Variants in ZNF804B observed in about 807,000 individuals in gnomAD.
The protein encoded by ZNF804B is zinc finger 804B.
A neutral mutation model predicts 101.4 loss-of-function variants in ZNF804B; 80 were observed. The observed-to-expected ratio is 0.79, with a 90% CI of 0.66 to 0.95. ZNF804B has a LOEUF of 0.95. ZNF804B is among the 40% of genes least tolerant of loss of function. ZNF804B has a pLI of 0.00. For missense variants in ZNF804B, 1,673 were observed against 1,561.9 expected, an observed-to-expected ratio of 1.07 and a Z score of -1.20; for synonymous variants, 622 against 558.8, an observed-to-expected ratio of 1.11 and a Z score of -1.59.
chr7:89,282,633 C>A (rs1036558438), intron 2 of ZNF804B, among the ~76,000 whole-genome samples: 3 of 152,088 alleles, frequency 2.0e-5, no homozygotes, highest in African/African-American at 7.2e-5. Flanking sequence ...CTGCTGTGAT[C>A]AAAATGTGTG....
At chr7:88,909,416 T>C (rs1033166172) in intron 1 of ZNF804B, among the ~76,000 whole-genome samples, 2 of 151,818 alleles carry the variant, frequency 1.3e-5, no homozygotes, top group Non-Finnish European at 3.0e-5. Flanking sequence ...TTCATTTTGC[T>C]TCAGTAAGCA....
chr7:89,169,251 T>C (rs529678653), intron 1 of ZNF804B, among the ~76,000 whole-genome samples: 1 of 152,152 alleles, frequency 6.6e-6, no homozygotes, highest in South Asian at 2.1e-4. Flanking sequence ...CTGAACAGTG[T>C]ACACTTGCAA....
At chr7:88,943,194 T>C (rs933972744) in intron 1 of ZNF804B, among the ~76,000 whole-genome samples, 1 of 152,074 alleles carries the variant, frequency 6.6e-6, no homozygotes, top group East Asian at 1.9e-4. Flanking sequence ...TTTTTGTTGT[T>C]ACAGAAAAGG....
chr7:89,076,911 C>A (rs1267755655), intron 1 of ZNF804B, among the ~76,000 whole-genome samples: 2 of 152,024 alleles, frequency 1.3e-5, no homozygotes, highest in South Asian at 2.1e-4. Context: ...AACCTCAGGG[C>A]AATGGGGAGA....
At chr7:89,267,436 T>G (rs572376199) in intron 2 of ZNF804B, among the ~76,000 whole-genome samples, 1 of 152,334 alleles carries the variant, frequency 6.6e-6, no homozygotes, top group African/African-American at 2.4e-5. Context: ...CAATAATTAG[T>G]TTTAAACATG....
chr7:89,271,825 C>T (rs545977082), intron 2 of ZNF804B, among the ~76,000 whole-genome samples: 2 of 152,050 alleles, frequency 1.3e-5, no homozygotes, highest in African/African-American at 2.4e-5. Flanking sequence ...GAAATTTATC[C>T]ATTTCTTCTA....
chr7:89,087,898 A>G (rs1789830288), intron 1 of ZNF804B, among the ~76,000 whole-genome samples: 1 of 151,826 alleles, frequency 6.6e-6, no homozygotes, highest in South Asian at 2.1e-4. Context: ...GTCCATGTTC[A>G]ATTAGAAAAT....
intron 1 of ZNF804B, among the ~76,000 whole-genome samples, chr7:88,760,896 T>A (rs35153372): frequency 0.4 from 52,108 of 130,752 alleles, 11,014 homozygotes; most frequent in African/African-American, 0.63. Context: ...TATATATATA[T>A]AATAAATATA....
rs1323626583 is a variant in ZNF804B at position 89,335,753 on chromosome 7, C to T, written c.2771C>T (p.Thr924Ile). The T allele has an allele frequency of 1.2e-6, 2 of 1,613,868 alleles. No homozygotes were observed. Among genetic ancestry groups the T allele is most frequent in the Non-Finnish European group, 1.7e-6 (2 of 1,179,954 alleles). The change falls in exon 4 of 4, where the codon ACA (threonine) becomes ATA (isoleucine). Residue 924 changes from threonine (T) to isoleucine (I), a missense_variant. Physicochemically the swap from Thr to Ile is moderately conservative, Grantham distance 89 (BLOSUM62 -1). Coordinates refer to ENST00000333190, the MANE Select transcript of ZNF804B (RefSeq NM_181646.5). ...NTAEGERTPL[T>I]AKILLERVQA... Reference sequence around the variant, plus strand: ...GCAGAAGGAGAGAGGACCCCTCTAACAGCAAAAATCCTTTTAGAAAGAGTA... The same window carrying T: ...GCAGAAGGAGAGAGGACCCCTCTAATAGCAAAAATCCTTTTAGAAAGAGTA...
rs148602240 is a variant in ZNF804B at position 89,189,372 on chromosome 7, C to T, written c.109-28783C>T. Among the ~76,000 whole-genome samples the T allele has an allele frequency of 3.3e-5, 5 of 152,190 alleles. 1 individual carries two copies. In the East Asian group the frequency reaches 9.7e-4, roughly 29 times the overall value. On this transcript the variant is annotated intron_variant, in intron 1 of 3. Transcript: ENST00000333190. ...GAGACTGTTGACCTAAAAGAAGAAG[C>T]CAAGGCACAAAATATAATTTTAGGT...
intron 2 of ZNF804B, among the ~76,000 whole-genome samples, chr7:89,319,418 C>T (rs1257686411): frequency 6.6e-6 from 1 of 152,030 alleles, no homozygotes; most frequent in Non-Finnish European, 1.5e-5. Flanking sequence ...AACTCAAAAA[C>T]CCTCATCCAA....
At chr7:88,906,537 T>G (rs185415742) in intron 1 of ZNF804B, among the ~76,000 whole-genome samples, 325 of 152,296 alleles carry the variant, frequency 2.1e-3, no homozygotes, top group Middle Eastern at 0.01. Flanking sequence ...TCCATGTGTT[T>G]ATGTAGTTTT....
At chr7:89,246,569 G>C (rs1789450618) in intron 2 of ZNF804B, among the ~76,000 whole-genome samples, 1 of 151,344 alleles carries the variant, frequency 6.6e-6, no homozygotes. Context: ...GAGCTCCTCT[G>C]TGTTTTATAC....
At chr7:89,254,032 G>A (rs1789585298) in intron 2 of ZNF804B, among the ~76,000 whole-genome samples, 1 of 152,120 alleles carries the variant, frequency 6.6e-6, no homozygotes, top group African/African-American at 2.4e-5. Flanking sequence ...CAATGAATAT[G>A]TTATTAATGG....
chr7:89,022,560 C>T (rs934461886), intron 1 of ZNF804B, among the ~76,000 whole-genome samples: 3 of 152,046 alleles, frequency 2.0e-5, no homozygotes, highest in Non-Finnish European at 4.4e-5. Context: ...TGGTTTTGCT[C>T]TGAAGGATTA....
chr7:89,180,323 T>C (rs1788280146), intron 1 of ZNF804B, among the ~76,000 whole-genome samples: 1 of 152,190 alleles, frequency 6.6e-6, no homozygotes, highest in South Asian at 2.1e-4. Context: ...AGGAATTTAC[T>C]TGGTGCTTTA....
chr7:88,935,533 A>ATT (rs58179904), intron 1 of ZNF804B, among the ~76,000 whole-genome samples: 3 of 150,782 alleles, frequency 2.0e-5, no homozygotes, highest in Admixed American at 6.6e-5. Flanking sequence ...TTTTTTATTA[A>ATT]TTTTTTTTTA....
At chr7:89,325,479 C>T (rs1790883472) in intron 2 of ZNF804B, among the ~76,000 whole-genome samples, 1 of 151,942 alleles carries the variant, frequency 6.6e-6, no homozygotes, top group African/African-American at 2.4e-5. Context: ...TACATTTTTA[C>T]ACTTCATAGT....
chr7:88,957,371 T>A (rs963679670), intron 1 of ZNF804B, among the ~76,000 whole-genome samples: 1 of 151,448 alleles, frequency 6.6e-6, no homozygotes, highest in African/African-American at 2.4e-5. Flanking sequence ...CAATGCATAC[T>A]TACTTCAAGG....
Sources: allele counts gnomAD v4.1 joint callset (sites outside exome capture counted in the v4.1 genomes callset), GRCh38; gene constraint gnomAD v4.1.1; transcripts MANE v1.5; gene names NCBI Gene and HGNC (gene_info 2026-07-23, HGNC 2026-07-21).